Variants in C16orf96 observed in about 807,000 individuals in gnomAD.
C16orf96 encodes uncharacterized protein C16orf96.
Under a neutral mutation model 103.6 loss-of-function variants are expected in C16orf96, and 108 were observed. The observed-to-expected ratio is 1.04, with a 90% CI of 0.89 to 1.22. The LOEUF is 1.22. Ranked by LOEUF, C16orf96 falls within the 50% of genes most tolerant of loss-of-function variation. C16orf96 has a pLI of 0.00. For synonymous variants in C16orf96, 566 were observed against 593.5 expected, an observed-to-expected ratio of 0.95 and a Z score of 0.67; for missense variants, 1,586 against 1,464.2, an observed-to-expected ratio of 1.08 and a Z score of -1.36.
intron 7 of C16orf96, among the ~76,000 whole-genome samples, chr16:4,586,334 A>C (rs1896928246): frequency 6.6e-6 from 1 of 152,246 alleles, no homozygotes; most frequent in South Asian, 2.1e-4. Flanking sequence ...CTAAGCTATA[A>C]GAGAGGCTGT....
At chr16:4,570,737 A>AT (rs1470785335) in intron 1 of C16orf96, among the ~76,000 whole-genome samples, 1 of 152,072 alleles carries the variant, frequency 6.6e-6, no homozygotes, top group African/African-American at 2.4e-5. Flanking sequence ...AAGTGCTGGG[A>AT]TTATAGGCAT....
intron 7 of C16orf96, among the ~76,000 whole-genome samples, chr16:4,586,819 C>CTG (rs1896937892): frequency 6.6e-6 from 1 of 152,304 alleles, no homozygotes; most frequent in Admixed American, 6.5e-5. Context: ...ATGATACCAT[C>CTG]TCTGAGGGGA....
chr16:4,598,130 T>A (rs754425729), intron 14 of C16orf96, among the ~76,000 whole-genome samples: 2 of 152,090 alleles, frequency 1.3e-5, no homozygotes, highest in African/African-American at 4.8e-5. Context: ...AGCCTGAGGA[T>A]CACTTGAGCC....
intron 1 of C16orf96, among the ~76,000 whole-genome samples, chr16:4,561,944 A>G (rs535479793): frequency 2.0e-5 from 3 of 152,282 alleles, no homozygotes; most frequent in Non-Finnish European, 2.9e-5. Context: ...ACAAGGGATG[A>G]TGTCAGCTGT....
At chr16:4,566,617 T>C (rs1252554623) in intron 1 of C16orf96, among the ~76,000 whole-genome samples, 1 of 152,184 alleles carries the variant, frequency 6.6e-6, no homozygotes, top group African/African-American at 2.4e-5. Flanking sequence ...TCTCCCATTT[T>C]GTGGGTTGTA....
chr16:4,541,071 G>T, the C16orf96 span, among the ~76,000 whole-genome samples: 1 of 151,912 alleles, frequency 6.6e-6, no homozygotes, highest in East Asian at 1.9e-4. Flanking sequence ...CTGCTACCAC[G>T]CCTGGCTAAT....
At position 4,591,571 on chromosome 16, in the gene C16orf96, T is replaced by G. The variant is rs545829898; in HGVS notation, c.2593-95T>G. ...ATTTTAGTTGAATTTTGTTACACCG[T>G]GTAACTTCCCAGGTTGCTGCAACCC... is the stretch of plus-strand genomic sequence containing the variant. On this transcript the variant is annotated intron_variant, in intron 9 of 15. Coordinates refer to ENST00000444310, the MANE Select transcript of C16orf96 (RefSeq NM_001145011.2). 2.7e-5 allele frequency: 27 copies of G among 985,996 alleles called. No homozygotes were observed. In the African/African-American group the frequency reaches 4.2e-4, roughly 15 times the overall value. The allele number at this position is 985,996 out of a possible 1,614,324, so 61.1% of individuals were successfully genotyped here.
chr16:4,575,225 G>A lies in C16orf96; in HGVS notation c.745G>A (p.Glu249Lys), dbSNP rs2059487216. 2 of 1,547,968 alleles carry A rather than the reference G, an allele frequency of 1.3e-6. No homozygotes were observed. Among genetic ancestry groups the A allele is most frequent in the African/African-American group, 2.7e-5 (2 of 73,040 alleles). The change falls in exon 5 of 16, where the codon GAG becomes AAG. Residue 249 changes from glutamate (E) to lysine (K), a missense_variant. Glu to Lys is a moderately conservative substitution (Grantham distance 56, BLOSUM62 1). Coordinates refer to ENST00000444310, the MANE Select transcript of C16orf96 (RefSeq NM_001145011.2). ...DLWQSVEQLP[E>K]AALAQTTKYL... The stretch of plus-strand genomic sequence containing the variant: ...GTGGCAGTCTGTAGAGCAGCTCCCA[G>A]AGGCTGCCCTGGCCCAGACCACCAA...
intron 7 of C16orf96, among the ~76,000 whole-genome samples, 192 bp downstream of exon 7, chr16:4,580,317 C>T (rs1268175786): frequency 7.6e-6 from 1 of 130,766 alleles, no homozygotes; most frequent in Non-Finnish European, 1.7e-5. Context: ...ACCACCCCCC[C>T]CCACCCATAT....
intron 7 of C16orf96, 47 bp from the exon 8 acceptor site, chr16:4,586,992 C>T (rs1433924026): frequency 1.3e-6 from 2 of 1,518,958 alleles, no homozygotes; most frequent in Admixed American, 2.0e-5. Context: ...ACATTTTATC[C>T]TCAAGGCTCT....
the C16orf96 span, among the ~76,000 whole-genome samples, chr16:4,539,236 C>T: frequency 6.6e-6 from 1 of 152,174 alleles, no homozygotes; most frequent in Non-Finnish European, 1.5e-5. Context: ...TTGTTCATTC[C>T]TAGGCATAGG....
the C16orf96 span, among the ~76,000 whole-genome samples, chr16:4,544,219 G>A: frequency 1.8e-3 from 271 of 152,308 alleles, 4 homozygotes; most frequent in African/African-American, 6.3e-3. Flanking sequence ...CTGAGTAGCG[G>A]AGGGTTTGAG....
At chr16:4,541,631 C>T in the C16orf96 span, among the ~76,000 whole-genome samples, 16,438 of 152,190 alleles carry the variant, frequency 0.11, 1,149 homozygotes, top group South Asian at 0.25. Context: ...TTAGTGTCAT[C>T]TTTTTCTCAT....
At chr16:4,556,078 C>T (rs969920787), upstream of C16orf96, among the ~76,000 whole-genome samples, 4 of 152,088 alleles carry the variant, frequency 2.6e-5, no homozygotes, top group Non-Finnish European at 4.4e-5. Flanking sequence ...TGCCCGGATT[C>T]GAGAAAATTC....
the C16orf96 span, among the ~76,000 whole-genome samples, chr16:4,551,053 G>A: frequency 2.5e-4 from 38 of 152,292 alleles, no homozygotes; most frequent in Admixed American, 3.9e-4. Context: ...CCAGAGGACC[G>A]CTTGAGGCCA....
chr16:4,578,125 T>TA (rs1401986695), intron 5 of C16orf96, among the ~76,000 whole-genome samples: 6 of 152,064 alleles, frequency 3.9e-5, no homozygotes, highest in South Asian at 2.1e-4. Flanking sequence ...AAACAAAATT[T>TA]AAAAAAAAAT....
intron 7 of C16orf96, among the ~76,000 whole-genome samples, chr16:4,585,101 C>T (rs960926283): frequency 4.6e-5 from 7 of 151,960 alleles, no homozygotes; most frequent in African/African-American, 1.5e-4. Flanking sequence ...GAGCTGAGCT[C>T]GCACCACTGC....
At chr16:4,571,483 C>A (rs1221376283) in intron 1 of C16orf96, 78 bp from the exon 2 acceptor site, 16 of 1,258,178 alleles carry the variant, frequency 1.3e-5, no homozygotes, top group African/African-American at 1.5e-5. Context: ...CAACGGCTAT[C>A]ATCAGAAAGC....
chr16:4,564,807 T>C (rs148394001), intron 1 of C16orf96, among the ~76,000 whole-genome samples: 302 of 152,286 alleles, frequency 2.0e-3, no homozygotes, highest in African/African-American at 6.7e-3. Context: ...CAAAACTCCA[T>C]CTCAAAAACA....
Sources: allele counts gnomAD v4.1 joint callset (sites outside exome capture counted in the v4.1 genomes callset), GRCh38; gene constraint gnomAD v4.1.1; transcripts MANE v1.5; gene names NCBI Gene and HGNC (gene_info 2026-07-23, HGNC 2026-07-21).